Variants in DLGAP2 observed in about 807,000 individuals in gnomAD.
The protein encoded by DLGAP2 is DLG associated protein 2.
A neutral mutation model predicts 100.3 loss-of-function variants in DLGAP2; 26 were observed. The ratio of observed to expected loss-of-function variants is 0.26; its 90% CI spans 0.19 to 0.36. DLGAP2 has a LOEUF of 0.36. DLGAP2 is among the 10% of genes least tolerant of loss of function. The pLI, the probability that DLGAP2 is intolerant of heterozygous loss-of-function variation, is 1.00. For missense variants in DLGAP2, 1,858 were observed against 1,453.2 expected (o/e 1.28, Z -4.53); for synonymous variants, 886 against 630.1 (o/e 1.41, Z -6.08).
intron 1 of DLGAP2, among the ~76,000 whole-genome samples, chr8:904,748 C>T (rs1798339727): frequency 6.6e-6 from 1 of 152,162 alleles, no homozygotes; most frequent in South Asian, 2.1e-4. Context: ...ATTTTGTGGC[C>T]CCAGCACCCG....
At chr8:892,771 T>C (rs1347286521) in intron 1 of DLGAP2, among the ~76,000 whole-genome samples, 1 of 152,162 alleles carries the variant, frequency 6.6e-6, no homozygotes, top group Non-Finnish European at 1.5e-5. Flanking sequence ...CAGGCCATGC[T>C]CCAGCAGTAG....
chr8:1,561,166 G>T (rs1356516352), intron 5 of DLGAP2, among the ~76,000 whole-genome samples: 4 of 152,256 alleles, frequency 2.6e-5, no homozygotes, highest in Admixed American at 1.3e-4. Flanking sequence ...TGTAAGACAT[G>T]ACTTTGCTCC....
chr8:1,116,014 C>T (rs944438958), intron 2 of DLGAP2, among the ~76,000 whole-genome samples: 2 of 152,178 alleles, frequency 1.3e-5, no homozygotes, highest in African/African-American at 4.8e-5. Context: ...CCGTGGGAGC[C>T]ATTCACTCCG....
At chr8:1,449,886 G>C (rs797006985) in intron 3 of DLGAP2, among the ~76,000 whole-genome samples, 11,198 of 105,202 alleles carry the variant, frequency 0.11, 1,370 homozygotes, top group South Asian at 0.21. Flanking sequence ...CTCGGTGGCT[G>C]AGGCGGAGCT....
rs547424349 is a variant in DLGAP2 at position 1,070,320 on chromosome 8, C to G, written c.73+162354C>G. ...CAGGGACTTAGGCAGAGAAGAGGCC[C>G]TGTGTCCCGGGTGCCTGGTGAGCAG... On this transcript the variant is annotated intron_variant, in intron 2 of 14. Coordinates refer to ENST00000637795, the MANE Select transcript of DLGAP2 (RefSeq NM_001346810.2). Among the ~76,000 whole-genome samples, 11 of 152,306 alleles carry G rather than the reference C, an allele frequency of 7.2e-5. No individual in the cohort carries two copies. In the South Asian group the frequency reaches 2.1e-3, roughly 29 times the overall value.
chr8:1,122,463 C>T (rs556914258), intron 2 of DLGAP2, among the ~76,000 whole-genome samples: 32 of 152,150 alleles, frequency 2.1e-4, no homozygotes, highest in Admixed American at 1.6e-3. Context: ...CTGAGGGGAA[C>T]GTAGAGAAAG....
At chr8:1,345,795 G>A (rs998288881) in intron 3 of DLGAP2, among the ~76,000 whole-genome samples, 1 of 152,194 alleles carries the variant, frequency 6.6e-6, no homozygotes, top group Non-Finnish European at 1.5e-5. Context: ...GTGTAATGAT[G>A]CTTGTAACAC....
At chr8:1,665,577 G>GTC (rs1798523855) in intron 8 of DLGAP2, among the ~76,000 whole-genome samples, 1 of 152,134 alleles carries the variant, frequency 6.6e-6, no homozygotes, top group Admixed American at 6.5e-5. Context: ...ATATTCCCGC[G>GTC]TCTCTCTGTT....
intron 1 of DLGAP2, among the ~76,000 whole-genome samples, chr8:872,333 CTTTTTTT>C (rs1191019452): frequency 3.0e-5 from 3 of 100,154 alleles, no homozygotes; most frequent in African/African-American, 7.4e-5. Flanking sequence ...CACTTCTTTT[CTTTTTTT>C]TTTTTTTTTT....
At chr8:897,981 C>T (rs1798177413) in intron 1 of DLGAP2, among the ~76,000 whole-genome samples, 2 of 152,288 alleles carry the variant, frequency 1.3e-5, no homozygotes, top group South Asian at 4.2e-4. Flanking sequence ...AGGCCTGGAT[C>T]CTGCCTGGCA....
chr8:1,620,432 C>G (rs538936236), intron 6 of DLGAP2: 1 of 152,402 alleles, frequency 6.6e-6, no homozygotes, highest in Admixed American at 6.5e-5. Flanking sequence ...GTCTTCCACA[C>G]TTTTACATCT....
At chr8:912,503 A>G (rs34039971) in intron 2 of DLGAP2, among the ~76,000 whole-genome samples, 70,560 of 151,988 alleles carry the variant, frequency 0.46, 16,813 homozygotes, top group East Asian at 0.77. Context: ...GTGTTTGCCA[A>G]TTTCTGTGGT....
intron 1 of DLGAP2, among the ~76,000 whole-genome samples, chr8:839,333 A>G (rs543781372): frequency 1.3e-5 from 2 of 152,354 alleles, no homozygotes; most frequent in African/African-American, 4.8e-5. Flanking sequence ...ATCATTCTAG[A>G]TGTCTAACAA....
intron 2 of DLGAP2, among the ~76,000 whole-genome samples, chr8:980,831 G>T (rs1434020507): frequency 6.6e-6 from 1 of 152,126 alleles, no homozygotes; most frequent in Non-Finnish European, 1.5e-5. Flanking sequence ...GGGAGGGATA[G>T]GAGTGGACAA....
chr8:1,116,966 G>A (rs900857414), intron 2 of DLGAP2, among the ~76,000 whole-genome samples: 4 of 152,216 alleles, frequency 2.6e-5, no homozygotes, highest in Non-Finnish European at 5.9e-5. Context: ...GCGGAAGGGA[G>A]ATCCCAGGAT....
chr8:904,015 C>T (rs759681399), intron 1 of DLGAP2, among the ~76,000 whole-genome samples: 1 of 152,192 alleles, frequency 6.6e-6, no homozygotes, highest in African/African-American at 2.4e-5. Flanking sequence ...GGGACACACG[C>T]GGTCCAGGCC....
intron 3 of DLGAP2, among the ~76,000 whole-genome samples, chr8:1,452,042 C>A (rs1023844859): frequency 5.9e-5 from 9 of 152,382 alleles, no homozygotes; most frequent in Admixed American, 5.9e-4. Flanking sequence ...GGGCAGCACA[C>A]AACCGAGGCA....
intron 3 of DLGAP2, among the ~76,000 whole-genome samples, chr8:1,432,749 G>A (rs1797488533): frequency 6.6e-6 from 1 of 152,232 alleles, no homozygotes; most frequent in Non-Finnish European, 1.5e-5. Context: ...GGACCTCCAT[G>A]ACCTGCCAGC....
At chr8:871,036 C>T (rs184537475) in intron 1 of DLGAP2, among the ~76,000 whole-genome samples, 1 of 152,320 alleles carries the variant, frequency 6.6e-6, no homozygotes, top group African/African-American at 2.4e-5. Context: ...ACTCAGTGGT[C>T]CCCTTAACCT....
Sources: gnomAD v4.1 joint callset for allele counts (sites outside exome capture counted in the v4.1 genomes callset) on GRCh38, gnomAD v4.1.1 for gene constraint, MANE v1.5 for transcripts, NCBI Gene and HGNC (gene_info 2026-07-23, HGNC 2026-07-21) for gene names.